The following RGL1 variants were observed in gnomAD, a reference collection of about 807,000 sequenced individuals.
The protein encoded by RGL1 is ral guanine nucleotide dissociation stimulator-like 1.
In RGL1, 24 loss-of-function variants were observed where a neutral mutation model predicts 95.2. That is an observed-to-expected ratio of 0.25 (90% CI 0.18 to 0.35). The LOEUF (loss-of-function observed/expected upper bound fraction) is 0.35. Among genes scored for constraint, RGL1 ranks in the 10% least tolerant of loss-of-function variants. RGL1 has a pLI of 1.00. For synonymous variants in RGL1, 329 were observed against 344.9 expected (o/e 0.95, Z 0.51); for missense variants, 715 against 936.3 (o/e 0.76, Z 3.08).
chr1:183,857,151 A>G (rs7527685), intron 3 of RGL1, among the ~76,000 whole-genome samples: 20,543 of 152,158 alleles, frequency 0.14, 1,805 homozygotes, highest in Middle Eastern at 0.26. Flanking sequence ...GAGGCAGAAG[A>G]CAGAGAAAGA....
rs554498926 is a variant in RGL1 at position 183,826,941 on chromosome 1, G to A, written c.138+20456G>A. Among the ~76,000 whole-genome samples, 207 of 149,750 alleles carry A rather than the reference G, an allele frequency of 1.4e-3. 1 individual carries two copies. Among genetic ancestry groups the A allele is most frequent in the African/African-American group, 5.0e-3 (203 of 40,544 alleles). ...TTTCTTTTCTTTTCTTTTCTTTTTC[G>A]AGACAGAGTGTCACTCTGTTGCCCA... On this transcript the variant is annotated intron_variant, in intron 2 of 17. Coordinates refer to ENST00000360851, the MANE Select transcript of RGL1 (RefSeq NM_001297671.3).
chr1:183,805,961 CTTTTCTTTTCTTTTTTTTTTTTTTT>C (rs1661272228), intron 1 of RGL1, among the ~76,000 whole-genome samples: 15 of 43,338 alleles, frequency 3.5e-4, no homozygotes, highest in Non-Finnish European at 5.8e-4. Context: ...TTTTCTTTTT[CTTTTCTTTTCTTTTTTTTTTTTTTT>C]TTTTTTTTTT....
intron 4 of RGL1, among the ~76,000 whole-genome samples, chr1:183,871,169 A>G (rs574133148): frequency 4.6e-5 from 7 of 152,336 alleles, no homozygotes; most frequent in Admixed American, 2.0e-4. Context: ...AGAGTACGGT[A>G]CCTTCGACCA....
chr1:183,779,370 T>C, intron 2 of RGL1, among the ~76,000 whole-genome samples: 1 of 152,022 alleles, frequency 6.6e-6, no homozygotes, highest in East Asian at 1.9e-4. Context: ...TGCCTCAGCC[T>C]CCTTAGTAGC....
At chr1:183,827,276 C>T (rs1407448031) in intron 2 of RGL1, among the ~76,000 whole-genome samples, 3 of 151,714 alleles carry the variant, frequency 2.0e-5, no homozygotes, top group African/African-American at 4.8e-5. Flanking sequence ...ACACCCTGAA[C>T]AACTTTCTTG....
At chr1:183,916,328 T>G in intron 15 of RGL1, 119 bp from the exon 16 acceptor site, 1 of 1,184,656 alleles carries the variant, frequency 8.4e-7, no homozygotes, top group Non-Finnish European at 1.2e-6. Flanking sequence ...TGCTGTGGGC[T>G]GTTGTGGAGG....
At position 183,912,151 on chromosome 1, in the gene RGL1, C is replaced by T. The variant is rs748740067; in HGVS notation, c.1632C>T (p.Ser544=). 5.6e-6 allele frequency: 9 copies of T among 1,614,052 alleles called. No homozygotes were observed. Among genetic ancestry groups the T allele is most frequent in the Admixed American group, 1.7e-5 (1 of 60,016 alleles). The part of the protein sequence containing the change: ...PTKEQPKSTA[S]GSSGESMDSV... ...AAGAGCAGCCCAAGTCCACTGCCAG[C>T]GGGAGCTCTGGTGAAAGCATGGACT... The change falls in exon 15 of 18, where the codon AGC becomes AGT. Residue 544 remains serine, a synonymous_variant. Coordinates refer to ENST00000360851, the MANE Select transcript of RGL1 (RefSeq NM_001297671.3).
intron 3 of RGL1, among the ~76,000 whole-genome samples, chr1:183,850,491 A>G (rs1664767737): frequency 6.6e-6 from 1 of 152,018 alleles, no homozygotes. Flanking sequence ...TAAGATGCAT[A>G]TAGAGTAAGA....
intron 9 of RGL1, among the ~76,000 whole-genome samples, chr1:183,896,243 G>A (rs552886992): frequency 2.0e-5 from 3 of 152,280 alleles, no homozygotes; most frequent in South Asian, 4.1e-4. Flanking sequence ...TAGAGGTGGG[G>A]TCTCACTATG....
chr1:183,827,222 C>T lies in RGL1; in HGVS notation c.139-20344C>T, dbSNP rs545798847. Among the ~76,000 whole-genome samples the T allele has an allele frequency of 4.5e-3, 678 of 152,302 alleles. 2 individuals carry two copies. Among genetic ancestry groups the T allele is most frequent in the Non-Finnish European group, 7.8e-3 (529 of 68,036 alleles). On this transcript the variant is annotated intron_variant, in intron 2 of 17. Coordinates refer to ENST00000360851, the MANE Select transcript of RGL1 (RefSeq NM_001297671.3). ...ACAGGTGTGAGCCACTGCATCCGGC[C>T]GTGTGCCAGTTTCTTAAAATTTGAT...
chr1:183,766,339 CTTTT>C (rs142084765), intron 2 of RGL1, among the ~76,000 whole-genome samples: 1 of 146,558 alleles, frequency 6.8e-6, no homozygotes, highest in Non-Finnish European at 1.5e-5. Flanking sequence ...GAATGTCTCA[CTTTT>C]TTTTTTTACT....
At chr1:183,911,964 AT>A in intron 14 of RGL1, 117 bp from the exon 15 acceptor site, 1 of 809,648 alleles carries the variant, frequency 1.2e-6, no homozygotes, top group Non-Finnish European at 2.0e-6. Flanking sequence ...TAAAATAATA[AT>A]GACAGAACAC....
chr1:183,909,088 A>T (rs1462176769), intron 14 of RGL1, among the ~76,000 whole-genome samples: 1 of 152,176 alleles, frequency 6.6e-6, no homozygotes, highest in Non-Finnish European at 1.5e-5. Context: ...TACTAGTAAA[A>T]TCTTGCTGGG....
rs1659888657 is a variant in RGL1, at chr1:183,781,267, T to C, written c.133-25108T>C. Among the ~76,000 whole-genome samples, 4 of 152,220 alleles carry C rather than the reference T, an allele frequency of 2.6e-5. No individual in the cohort carries two copies. The South Asian group carries it at 8.3e-4, about 32-fold the overall frequency. On this transcript the variant is annotated intron_variant, in intron 2 of 18. Coordinates refer to the RGL1 transcript ENST00000304685. The stretch of plus-strand genomic sequence containing the variant: ...CCTAACACACACAGTAAACATTTTT[T>C]TGGAGAGATCAATTTCTTCTATGTA...
At chr1:183,701,290 C>G (rs1926837) in intron 1 of RGL1, among the ~76,000 whole-genome samples, 2 of 151,908 alleles carry the variant, frequency 1.3e-5, no homozygotes, top group African/African-American at 2.4e-5. Flanking sequence ...TTCTCTGAAG[C>G]CTTAAGGTAA....
chr1:183,786,696 A>G (rs1326698724), intron 2 of RGL1, among the ~76,000 whole-genome samples: 1 of 152,216 alleles, frequency 6.6e-6, no homozygotes, highest in Non-Finnish European at 1.5e-5. Context: ...AAAAATAGCA[A>G]TGATGTGGAC....
chr1:183,643,401 C>T (rs1197101000), intron 1 of RGL1, among the ~76,000 whole-genome samples: 1 of 151,946 alleles, frequency 6.6e-6, no homozygotes, highest in East Asian at 1.9e-4. Flanking sequence ...AAGTGATTCT[C>T]CTGCCTCAGC....
At chr1:183,845,913 T>C (rs139711528) in intron 2 of RGL1, among the ~76,000 whole-genome samples, 156 of 152,282 alleles carry the variant, frequency 1.0e-3, no homozygotes, top group African/African-American at 3.7e-3. Flanking sequence ...GGAATGAGTG[T>C]GCAAAAATTT....
At chr1:183,923,008 G>A (rs866782976) in intron 17 of RGL1, among the ~76,000 whole-genome samples, 1 of 152,218 alleles carries the variant, frequency 6.6e-6, no homozygotes, top group Non-Finnish European at 1.5e-5. Context: ...GATTGTATTT[G>A]TTGAGAGAAG....
Sources: allele counts gnomAD v4.1 joint callset (sites outside exome capture counted in the v4.1 genomes callset), GRCh38; gene constraint gnomAD v4.1.1; transcripts MANE v1.5; gene names NCBI Gene and HGNC (gene_info 2026-07-23, HGNC 2026-07-21).